PKD2L1: variants seen among roughly 807,000 people sequenced by gnomAD.
PKD2L1 encodes polycystin-2-like protein 1.
In PKD2L1, 77 loss-of-function variants were observed where a neutral mutation model predicts 93.0. The ratio of observed to expected loss-of-function variants is 0.83; its 90% CI spans 0.69 to 1.00. The LOEUF (loss-of-function observed/expected upper bound fraction) is 1.00, where lower values mean the gene tolerates loss of function less well. Among genes scored for constraint, PKD2L1 ranks in the 50% least tolerant of loss-of-function variants. The pLI is 0.00. For synonymous variants in PKD2L1, 390 were observed against 388.0 expected (o/e 1.01, Z -0.06); for missense variants, 977 against 990.9 (o/e 0.99, Z 0.19).
Position 100,296,231 on chromosome 10 carries a change from C to T in PKD2L1, c.1247G>A (p.Gly416Glu), listed in dbSNP as rs200177057. 1 of 1,610,684 alleles carries T rather than the reference C, an allele frequency of 6.2e-7. No homozygotes were observed. The highest frequency in any genetic ancestry group is 1.1e-5 in the South Asian group (1 of 90,402). Reference sequence around the variant, plus strand: ...CGTGTTTGGCTGCTGCAGGAGCTTCCCCATGAGCCGATTCACCTCGAGGGT... The same window carrying T: ...CGTGTTTGGCTGCTGCAGGAGCTTCTCCATGAGCCGATTCACCTCGAGGGT... ...FRTLEVNRLM[G>E]KLLQQPNTYA... Residue 416 changes from glycine (G) to glutamate (E), a missense_variant, in exon 7 of 16, where the codon GGG becomes GAG. By Grantham distance (98) the Gly-to-Glu change is moderately conservative. Transcript: ENST00000318222.
chr10:100,291,206 G>A, intron 12 of PKD2L1, 95 bp downstream of exon 12: 1 of 1,270,998 alleles, frequency 7.9e-7, no homozygotes. Flanking sequence ...ATCTATGGGA[G>A]AGTTTTCAGG....
At chr10:100,318,448 A>G (rs1395447268) in intron 2 of PKD2L1, among the ~76,000 whole-genome samples, 2 of 152,194 alleles carry the variant, frequency 1.3e-5, no homozygotes, top group Admixed American at 1.3e-4. Flanking sequence ...CTCTTTTGCT[A>G]GCCACTTACA....
rs2012155080 is a variant in PKD2L1 at position 100,299,476 on chromosome 10, C to T, written c.477+115G>A. The T allele has an allele frequency of 3.1e-6, 3 of 964,992 alleles. No individual in the cohort carries two copies. In the Admixed American group the frequency reaches 6.0e-5, roughly 19 times the overall value. 59.8% of individuals were successfully genotyped at this position (964,992 alleles called of 1,614,324 possible). On this transcript the variant is annotated intron_variant, in intron 3 of 15. Transcript: ENST00000318222. ...ATTAATTCAGCCTGGCCCTTTGACT[C>T]AGTCTGATCCCTGACTGATTTGATT...
rs1239911321 is a variant in PKD2L1, at chr10:100,292,943, C to T, written c.1880+5G>A. On this transcript the variant is annotated splice_donor_5th_base_variant and intron_variant, in intron 11 of 15. Coordinates refer to ENST00000318222, the MANE Select transcript of PKD2L1 (RefSeq NM_016112.3). ...TTAGAGAAGGCTGGGTCTCTGGTTGCTCACTCCCTTAAGGTGTTGGTGAAA... is the reference window on the plus strand; with the variant it reads ...TTAGAGAAGGCTGGGTCTCTGGTTGTTCACTCCCTTAAGGTGTTGGTGAAA... The T allele has an allele frequency of 1.2e-6, 2 of 1,612,152 alleles. No homozygotes were observed. The highest frequency in any genetic ancestry group is 4.5e-5 in the East Asian group (2 of 44,894).
In PKD2L1 at chr10:100,306,855, C is replaced by CAAAAAAAAA. The variant is rs61413476; in HGVS notation, c.350-7146_350-7138dup. ...CCTGGGCGAGAGAGTGAGACCCTGT[C>CAAAAAAAAA]AAAAAAAAAAAAAAAAAAGAAAGAG... On this transcript the variant is annotated intron_variant, in intron 2 of 15. Transcript: ENST00000318222. Among the ~76,000 whole-genome samples, 74 of 49,860 alleles carry CAAAAAAAAA rather than the reference C, an allele frequency of 1.5e-3. 5 individuals carry two copies. Among genetic ancestry groups the CAAAAAAAAA allele is most frequent in the African/African-American group, 6.0e-3 (52 of 8,696 alleles). 32.7% of individuals were successfully genotyped at this position (49,860 alleles called of 152,430 possible).
At chr10:100,311,891 GT>G (rs1166277698) in intron 2 of PKD2L1, among the ~76,000 whole-genome samples, 2 of 152,166 alleles carry the variant, frequency 1.3e-5, no homozygotes, top group Non-Finnish European at 2.9e-5. Context: ...AAAGTCAACT[GT>G]TCCTTCCTAA....
At chr10:100,306,129 C>G (rs1848794850) in intron 2 of PKD2L1, among the ~76,000 whole-genome samples, 1 of 152,062 alleles carries the variant, frequency 6.6e-6, no homozygotes, top group African/African-American at 2.4e-5. Flanking sequence ...TCTCAAAAAA[C>G]AAAAACAAAA....
At position 100,296,295 on chromosome 10, in the gene PKD2L1, G is replaced by A. The variant is rs1299036018; in HGVS notation, c.1186-3C>T. Reference sequence around the variant, plus strand: ...AAGCCCACAGCCACAATGGAGAGCTGTCACACAGGGGTCATGGGGGTGTCA... The same window carrying A: ...AAGCCCACAGCCACAATGGAGAGCTATCACACAGGGGTCATGGGGGTGTCA... On this transcript the variant is annotated splice_region_variant and splice_polypyrimidine_tract_variant and intron_variant, in intron 6 of 15. Coordinates refer to ENST00000318222, the MANE Select transcript of PKD2L1 (RefSeq NM_016112.3). The A allele has an allele frequency of 1.3e-6, 2 of 1,587,704 alleles. No homozygotes were observed. Among genetic ancestry groups the A allele is most frequent in the Admixed American group, 3.7e-5 (2 of 53,712 alleles).
rs116631879 is a variant in PKD2L1, at chr10:100,309,074, C to T, written c.350-9356G>A. ...AAAGTCACATGCACAAAAATGATAC[C>T]TGGGTTATTTATAACATCAAAAAAA... On this transcript the variant is annotated intron_variant, in intron 2 of 15. Transcript: ENST00000318222. Among the ~76,000 whole-genome samples the T allele has an allele frequency of 4.8e-3, 725 of 152,040 alleles. 3 individuals carry two copies. The highest frequency in any genetic ancestry group is 0.016 in the African/African-American group (672 of 41,482).
chr10:100,295,024 T>C lies in PKD2L1; in HGVS notation c.1456A>G (p.Ile486Val), dbSNP rs761925777. The change falls in exon 8 of 16, where the codon ATT (isoleucine) becomes GTT (valine). Residue 486 changes from isoleucine (I) to valine (V), a missense_variant. Physicochemically the swap from Ile to Val is conservative, Grantham distance 29. Transcript: ENST00000318222. ...DILGFAVMFF[I>V]VFFAYAQLGY... ...AGTTGGGCATAGGCGAAGAAAACAA[T>C]GAAGAACATGACGGCGAAGCCCAGG... 2 of 1,613,968 alleles carry C rather than the reference T, an allele frequency of 1.2e-6. No individual in the cohort carries two copies. Among genetic ancestry groups the C allele is most frequent in the Admixed American group, 3.3e-5 (2 of 60,012 alleles).
chr10:100,325,951 G>A (rs556977214), intron 2 of PKD2L1, among the ~76,000 whole-genome samples: 11 of 152,274 alleles, frequency 7.2e-5, no homozygotes, highest in African/African-American at 2.6e-4. Flanking sequence ...TTGGGGAAGC[G>A]CCAGACCTTG....
At chr10:100,323,326 T>C (rs756961955) in intron 2 of PKD2L1, among the ~76,000 whole-genome samples, 2 of 152,246 alleles carry the variant, frequency 1.3e-5, no homozygotes, top group African/African-American at 4.8e-5. Flanking sequence ...TGGAGTACAG[T>C]GGCACGATCT....
At chr10:100,311,440 AATT>A (rs1435579092) in intron 2 of PKD2L1, among the ~76,000 whole-genome samples, 2 of 152,192 alleles carry the variant, frequency 1.3e-5, no homozygotes, top group Non-Finnish European at 2.9e-5. Flanking sequence ...TATGACTAAT[AATT>A]ATTATTAATC....
chr10:100,300,567 G>A (rs371426881), intron 2 of PKD2L1, among the ~76,000 whole-genome samples: 10 of 152,260 alleles, frequency 6.6e-5, no homozygotes, highest in African/African-American at 2.4e-4. Context: ...TTCAATTTAA[G>A]TTAGTCTAAT....
At chr10:100,308,403 C>T (rs1010352676) in intron 2 of PKD2L1, among the ~76,000 whole-genome samples, 58 of 151,856 alleles carry the variant, frequency 3.8e-4, no homozygotes, top group African/African-American at 1.3e-3. Flanking sequence ...GACACCATCT[C>T]GGCTCACTGC....
intron 7 of PKD2L1, among the ~76,000 whole-genome samples, 181 bp downstream of exon 7, chr10:100,295,941 C>T (rs1848524225): frequency 1.3e-5 from 2 of 150,228 alleles, no homozygotes; most frequent in Admixed American, 1.3e-4. Context: ...GAGGCTGAGG[C>T]AGGAGAATCA....
intron 13 of PKD2L1, 100 bp downstream of exon 13, chr10:100,290,301 G>T: frequency 1.6e-6 from 2 of 1,252,206 alleles, no homozygotes; most frequent in Non-Finnish European, 2.3e-6. Flanking sequence ...TTCTCCCTGG[G>T]GTAGGACAGA....
chr10:100,310,270 G>A (rs2133557642), intron 2 of PKD2L1, among the ~76,000 whole-genome samples: 1 of 152,262 alleles, frequency 6.6e-6, no homozygotes, highest in South Asian at 2.1e-4. Context: ...GGAGGCTGAG[G>A]CTGCACCACC....
chr10:100,311,136 A>C (rs555518486), intron 2 of PKD2L1, among the ~76,000 whole-genome samples: 1 of 152,178 alleles, frequency 6.6e-6, no homozygotes, highest in South Asian at 2.1e-4. Flanking sequence ...CTCCCTATTA[A>C]CTGGTGTGCT....
Sources: allele counts gnomAD v4.1 joint callset (sites outside exome capture counted in the v4.1 genomes callset), GRCh38; gene constraint gnomAD v4.1.1; transcripts MANE v1.5; gene names NCBI Gene and HGNC (gene_info 2026-07-23, HGNC 2026-07-21).